Variants in ATRN observed in about 807,000 individuals in gnomAD.
ATRN encodes attractin-2.
ATRN carries 54 observed loss-of-function variants against 178.7 expected under a neutral mutation model. The ratio of observed to expected loss-of-function variants is 0.30; its 90% confidence interval spans 0.24 to 0.38. The LOEUF (loss-of-function observed/expected upper bound fraction) is 0.38. Among genes scored for constraint, ATRN ranks in the 10% least tolerant of loss-of-function variants. The probability of loss-of-function intolerance (pLI) is 1.00; values close to 1 mark genes in which losing one functional copy is unlikely to be tolerated. For missense variants in ATRN, 1,443 were observed against 1,815.1 expected (o/e 0.79, Z 3.73); for synonymous variants, 636 against 663.0 (o/e 0.96, Z 0.63).
chr20:3,537,527 T>C (rs189130135), intron 2 of ATRN, among the ~76,000 whole-genome samples: 2,566 of 151,810 alleles, frequency 0.017, 75 homozygotes, highest in African/African-American at 0.058. Context: ...ATTTTTTTAT[T>C]ATACTTCAAG....
intron 3 of ATRN, 112 bp from the exon 4 acceptor site, chr20:3,545,650 C>T: frequency 3.6e-6 from 5 of 1,387,240 alleles, no homozygotes; most frequent in Non-Finnish European, 4.9e-6. Flanking sequence ...GCCTGTCTTC[C>T]TGGATGTGGT....
intron 1 of ATRN, among the ~76,000 whole-genome samples, chr20:3,476,860 CGAAA>C (rs1325401232): frequency 1.3e-5 from 2 of 152,062 alleles, no homozygotes; most frequent in African/African-American, 2.4e-5. Flanking sequence ...AACTCTGTCT[CGAAA>C]GAAAGAAAGA....
intron 24 of ATRN, among the ~76,000 whole-genome samples, chr20:3,612,804 G>A (rs1419062241): frequency 1.3e-5 from 2 of 152,144 alleles, no homozygotes; most frequent in Non-Finnish European, 2.9e-5. Context: ...GTGCTTTGTT[G>A]CTTATAGCTG....
chr20:3,545,323 C>A (rs2085684411), intron 3 of ATRN, among the ~76,000 whole-genome samples: 1 of 147,228 alleles, frequency 6.8e-6, no homozygotes, highest in East Asian at 2.0e-4. Context: ...GAGATTGCAC[C>A]ACTGCACTCC....
chr20:3,541,737 G>A (rs994100116), intron 3 of ATRN, among the ~76,000 whole-genome samples: 2 of 152,168 alleles, frequency 1.3e-5, no homozygotes, highest in Non-Finnish European at 2.9e-5. Flanking sequence ...GTGTATGACT[G>A]TATATTTTCC....
intron 1 of ATRN, among the ~76,000 whole-genome samples, chr20:3,483,792 T>C (rs919072632): frequency 8.6e-5 from 13 of 151,680 alleles, no homozygotes; most frequent in African/African-American, 2.4e-4. Context: ...TTGACACATA[T>C]TATTTTTCAA....
At chr20:3,568,419 A>C (rs235565) in intron 11 of ATRN, among the ~76,000 whole-genome samples, 72 of 152,020 alleles carry the variant, frequency 4.7e-4, no homozygotes, top group Admixed American at 8.5e-4. Context: ...AGGCTAAGGC[A>C]GGAGGATCAC....
chr20:3,583,798 C>T (rs2086312951), intron 16 of ATRN, 100 bp from the exon 17 acceptor site: 9 of 1,250,820 alleles, frequency 7.2e-6, no homozygotes, highest in Non-Finnish European at 9.0e-6. Flanking sequence ...CAGAGTGAGA[C>T]TCCGTCTCAA....
At chr20:3,537,503 CA>C (rs1600086396) in intron 2 of ATRN, among the ~76,000 whole-genome samples, 2 of 142,912 alleles carry the variant, frequency 1.4e-5, no homozygotes, top group Admixed American at 7.0e-5. Context: ...TTTTTTTTTA[CA>C]TTTTTTTATT....
rs550243509 is a variant in ATRN at position 3,497,948 on chromosome 20, TAAAG to T, written c.410+26435_410+26438del. ...ATTGATAAACTGCTAGCAAGACTAA[TAAAG>T]AAAAAAAGAAGAATCAAATAGACGC... On this transcript the variant is annotated intron_variant, in intron 1 of 28. Coordinates refer to ENST00000262919, the MANE Select transcript of ATRN (RefSeq NM_139321.3). Among the ~76,000 whole-genome samples, 100 of 151,318 alleles carry T rather than the reference TAAAG, an allele frequency of 6.6e-4. 2 individuals carry two copies. The East Asian group carries it at 0.016, about 24-fold the overall frequency.
At chr20:3,545,441 G>T (rs904964623) in intron 3 of ATRN, among the ~76,000 whole-genome samples, 2 of 151,028 alleles carry the variant, frequency 1.3e-5, no homozygotes, top group African/African-American at 4.9e-5. Context: ...CATAAAATTT[G>T]TTACTTTATG....
intron 1 of ATRN, among the ~76,000 whole-genome samples, chr20:3,492,863 G>GCGCA (rs1555807902): frequency 8.1e-6 from 1 of 123,488 alleles, no homozygotes; most frequent in Non-Finnish European, 1.7e-5. Context: ...AGGCGCGCGC[G>GCGCA]CGCGTGCGCA....
intron 25 of ATRN, among the ~76,000 whole-genome samples, chr20:3,630,280 T>C (rs1419050098): frequency 1.3e-5 from 2 of 152,222 alleles, no homozygotes; most frequent in Non-Finnish European, 2.9e-5. Context: ...AAGAATATAT[T>C]CATATGTTTA....
chr20:3,574,830 G>A (rs1344472210), intron 12 of ATRN, among the ~76,000 whole-genome samples: 1 of 152,188 alleles, frequency 6.6e-6, no homozygotes, highest in Non-Finnish European at 1.5e-5. Flanking sequence ...AGGACAGGAA[G>A]AGCAGCCTAA....
In ATRN at chr20:3,562,281, A is replaced by G; in HGVS notation, c.1453A>G (p.Asn485Asp). The G allele has an allele frequency of 6.2e-7, 1 of 1,611,858 alleles. No homozygotes were observed. The highest frequency in any genetic ancestry group is 1.3e-5 in the African/African-American group (1 of 74,986). Residue 485 changes from asparagine (N) to aspartate (D), a missense_variant, in exon 9 of 29, where the codon AAC (asparagine) becomes GAC (aspartate). Asn to Asp is a conservative substitution (Grantham distance 23). This residue lies in a region of ATRN where 862 missense variants were observed against 972.1 expected (regional missense o/e 0.89). Coordinates refer to ENST00000262919, the MANE Select transcript of ATRN (RefSeq NM_139321.3). ...SNVQEYDLDK[N>D]TWSILHTQGA... ...TAACTGTCTTTCCTTTCCAGATAAG[A>G]ACACATGGAGTATATTACACACCCA...
At chr20:3,589,494 A>G (rs189657773) in intron 18 of ATRN, among the ~76,000 whole-genome samples, 2 of 152,014 alleles carry the variant, frequency 1.3e-5, no homozygotes, top group African/African-American at 4.8e-5. Flanking sequence ...GCCTTATTGA[A>G]TGTACTAAAA....
At chr20:3,510,745 G>T (rs904285248) in intron 1 of ATRN, among the ~76,000 whole-genome samples, 3 of 151,892 alleles carry the variant, frequency 2.0e-5, no homozygotes, top group African/African-American at 4.8e-5. Context: ...CCTGTTTGAG[G>T]TGCTGTCTTA....
chr20:3,528,553 A>G (rs1363600637), intron 1 of ATRN, among the ~76,000 whole-genome samples: 1 of 152,102 alleles, frequency 6.6e-6, no homozygotes, highest in Non-Finnish European at 1.5e-5. Flanking sequence ...GTACACATGG[A>G]CACAAGGGAG....
chr20:3,605,557 A>G (rs932236104), intron 24 of ATRN, among the ~76,000 whole-genome samples: 19 of 152,374 alleles, frequency 1.2e-4, no homozygotes, highest in South Asian at 4.1e-4. Context: ...CATATACACC[A>G]TGGAATACTA....
Sources: allele counts gnomAD v4.1 joint callset (sites outside exome capture counted in the v4.1 genomes callset), GRCh38; gene constraint gnomAD v4.1.1; regional missense constraint gnomAD v4.1.1; transcripts MANE v1.5; gene names NCBI Gene and HGNC (gene_info 2026-07-23, HGNC 2026-07-21).